GPC5: variants seen among roughly 807,000 people sequenced by gnomAD.
GPC5 encodes the protein glypican 5, also known as glypican-5.
Under a neutral mutation model 53.9 loss-of-function variants are expected in GPC5, and 47 were observed. That is an observed-to-expected ratio of 0.87 (90% confidence interval 0.69 to 1.11). GPC5 has a LOEUF of 1.11. Ranked by LOEUF, GPC5 falls within the 50% of genes most tolerant of loss-of-function variation. The probability of loss-of-function intolerance (pLI) is 0.00; values close to 1 mark genes in which losing one functional copy is unlikely to be tolerated. For missense variants in GPC5, 748 were observed against 713.1 expected, an observed-to-expected ratio of 1.05 and a Z score of -0.56; for synonymous variants, 286 against 263.3, an observed-to-expected ratio of 1.09 and a Z score of -0.84.
chr13:91,622,267 A>G (rs2033881573), intron 2 of GPC5, among the ~76,000 whole-genome samples: 1 of 152,124 alleles, frequency 6.6e-6, no homozygotes, highest in Non-Finnish European at 1.5e-5. Context: ...GACACTCAGT[A>G]TTAATCATCA....
chr13:92,818,818 G>C (rs1323910940), intron 7 of GPC5, among the ~76,000 whole-genome samples: 4 of 151,740 alleles, frequency 2.6e-5, no homozygotes, highest in Non-Finnish European at 4.4e-5. Flanking sequence ...TTAGGAACTT[G>C]GAAAAAAGGA....
chr13:91,676,085 T>C (rs1200484937), intron 2 of GPC5, among the ~76,000 whole-genome samples: 3 of 152,182 alleles, frequency 2.0e-5, no homozygotes, highest in African/African-American at 7.2e-5. Flanking sequence ...TGTTTTTGTT[T>C]TTTGAGATGG....
intron 7 of GPC5, among the ~76,000 whole-genome samples, chr13:92,335,982 A>T (rs1204844017): frequency 6.6e-6 from 1 of 152,096 alleles, no homozygotes; most frequent in Non-Finnish European, 1.5e-5. Context: ...AACTGTTCCA[A>T]CTTCTTCCTG....
intron 2 of GPC5, among the ~76,000 whole-genome samples, chr13:91,675,946 A>G (rs182924): frequency 0.22 from 33,865 of 152,108 alleles, 5,075 homozygotes; most frequent in African/African-American, 0.43. Flanking sequence ...TGTCAGGGTC[A>G]GGTTTTCTAA....
chr13:92,102,034 A>G (rs1418818826), intron 6 of GPC5, among the ~76,000 whole-genome samples: 1 of 152,186 alleles, frequency 6.6e-6, no homozygotes, highest in African/African-American at 2.4e-5. Context: ...TGGAGAATGG[A>G]GCAGATAAGG....
At chr13:92,192,333 G>C (rs186721009) in intron 7 of GPC5, among the ~76,000 whole-genome samples, 13 of 152,282 alleles carry the variant, frequency 8.5e-5, no homozygotes, top group African/African-American at 2.6e-4. Context: ...TGCGAGTGGG[G>C]TTGGGAGTAT....
At chr13:92,714,520 A>T (rs932675419) in intron 7 of GPC5, among the ~76,000 whole-genome samples, 1 of 152,218 alleles carries the variant, frequency 6.6e-6, no homozygotes, top group African/African-American at 2.4e-5. Context: ...AACATAGAAA[A>T]TTTCACAACT....
chr13:92,017,132 C>T (rs2040714885), intron 6 of GPC5, among the ~76,000 whole-genome samples: 2 of 152,090 alleles, frequency 1.3e-5, no homozygotes, highest in African/African-American at 4.8e-5. Context: ...GGGCTCTTTA[C>T]TCTCTAGCAG....
intron 7 of GPC5, among the ~76,000 whole-genome samples, chr13:92,420,114 T>A (rs952592681): frequency 1.3e-5 from 2 of 152,206 alleles, no homozygotes; most frequent in Admixed American, 6.5e-5. Context: ...GGGTCAAATG[T>A]CTATTGGCTA....
chr13:92,315,208 T>C (rs1386531809), intron 7 of GPC5, among the ~76,000 whole-genome samples: 2 of 152,186 alleles, frequency 1.3e-5, no homozygotes, highest in East Asian at 1.9e-4. Flanking sequence ...GTGGAAATTC[T>C]CTCTGGGAAG....
At chr13:92,586,007 A>T (rs956339446) in intron 7 of GPC5, among the ~76,000 whole-genome samples, 8 of 152,202 alleles carry the variant, frequency 5.3e-5, no homozygotes, top group African/African-American at 1.9e-4. Context: ...CAGCATGAAA[A>T]CTGACTAATA....
intron 2 of GPC5, among the ~76,000 whole-genome samples, chr13:91,520,603 C>T (rs1188756990): frequency 6.6e-6 from 1 of 152,046 alleles, no homozygotes; most frequent in Non-Finnish European, 1.5e-5. Flanking sequence ...TCCAACTTGT[C>T]GCTTACTAGA....
intron 6 of GPC5, among the ~76,000 whole-genome samples, chr13:91,939,817 T>A (rs1422063026): frequency 6.6e-6 from 1 of 152,146 alleles, no homozygotes; most frequent in East Asian, 1.9e-4. Flanking sequence ...ACATACTGAA[T>A]TAATGATTTA....
chr13:92,372,494 T>G (rs983924075), intron 7 of GPC5, among the ~76,000 whole-genome samples: 5 of 152,210 alleles, frequency 3.3e-5, no homozygotes, highest in Non-Finnish European at 5.9e-5. Context: ...CTCAATTAAA[T>G]AGAATTATTT....
chr13:91,959,642 CA>C (rs890448176), intron 6 of GPC5, among the ~76,000 whole-genome samples: 2 of 151,864 alleles, frequency 1.3e-5, no homozygotes, highest in African/African-American at 4.8e-5. Context: ...CAAAATTTCT[CA>C]AAAAAATACT....
intron 7 of GPC5, among the ~76,000 whole-genome samples, chr13:92,235,891 G>A (rs1304403364): frequency 6.6e-6 from 1 of 151,536 alleles, no homozygotes; most frequent in Non-Finnish European, 1.5e-5. Context: ...ATTTTTAGTT[G>A]TGCTTGAAAC....
At chr13:92,186,688 T>A (rs2042186018) in intron 7 of GPC5, among the ~76,000 whole-genome samples, 1 of 152,190 alleles carries the variant, frequency 6.6e-6, no homozygotes, top group South Asian at 2.1e-4. Flanking sequence ...ACTGACTGCA[T>A]CGTCAAGGAT....
chr13:92,271,185 C>A (rs149590750), intron 7 of GPC5, among the ~76,000 whole-genome samples: 2 of 152,160 alleles, frequency 1.3e-5, no homozygotes, highest in Non-Finnish European at 2.9e-5. Flanking sequence ...GTCCAAGTAA[C>A]TTTCTATGTA....
chr13:92,482,944 T>A (rs1414120546), intron 7 of GPC5, among the ~76,000 whole-genome samples: 2 of 152,148 alleles, frequency 1.3e-5, no homozygotes, highest in Non-Finnish European at 2.9e-5. Context: ...CAGTTCCACA[T>A]GGCTGGGGAG....
Sources: gnomAD v4.1 joint callset for allele counts (sites outside exome capture counted in the v4.1 genomes callset) on GRCh38, gnomAD v4.1.1 for gene constraint, MANE v1.5 for transcripts, NCBI Gene and HGNC (gene_info 2026-07-23, HGNC 2026-07-21) for gene names.